LRRC4C: variants seen among roughly 807,000 people sequenced by gnomAD.
LRRC4C encodes leucine rich repeat containing 4C.
Under a neutral mutation model 33.6 loss-of-function variants are expected in LRRC4C, and 5 were observed. The observed-to-expected ratio is 0.15, with a 90% CI of 0.08 to 0.31. LRRC4C has a LOEUF of 0.31. Ranked by LOEUF, LRRC4C falls within the 10% of genes least tolerant of loss-of-function variation. The pLI is 1.00. For missense variants in LRRC4C, 560 were observed against 796.7 expected (o/e 0.70, Z 3.58); for synonymous variants, 329 against 302.0 (o/e 1.09, Z -0.93).
chr11:40,704,501 G>A (rs1254790273), intron 2 of LRRC4C, among the ~76,000 whole-genome samples: 1 of 152,090 alleles, frequency 6.6e-6, no homozygotes, highest in Non-Finnish European at 1.5e-5. Flanking sequence ...AACCATGGTA[G>A]GTTTTAGTCC....
At chr11:41,378,426 T>C (rs1953021506) in intron 1 of LRRC4C, among the ~76,000 whole-genome samples, 1 of 152,198 alleles carries the variant, frequency 6.6e-6, no homozygotes, top group South Asian at 2.1e-4. Flanking sequence ...AATTTTGTGA[T>C]TTCTTAAGGG....
chr11:40,931,758 T>C (rs867606680), intron 2 of LRRC4C, among the ~76,000 whole-genome samples: 3 of 152,128 alleles, frequency 2.0e-5, no homozygotes, highest in African/African-American at 4.8e-5. Flanking sequence ...AATGTCATGA[T>C]TCGTTTGGTA....
At chr11:40,345,178 C>T (rs1326002476) in intron 3 of LRRC4C, among the ~76,000 whole-genome samples, 1 of 152,124 alleles carries the variant, frequency 6.6e-6, no homozygotes. Flanking sequence ...TAACATTCTT[C>T]ACAGAATTCA....
At chr11:40,891,001 A>G (rs4485095) in intron 2 of LRRC4C, among the ~76,000 whole-genome samples, 147,145 of 152,194 alleles carry the variant, frequency 0.97, 71,332 homozygotes, top group East Asian at 1. Context: ...TCAGCACTCT[A>G]GGAGGCCGAA....
At chr11:40,352,665 CAAT>C (rs1467985730) in intron 3 of LRRC4C, among the ~76,000 whole-genome samples, 1 of 152,018 alleles carries the variant, frequency 6.6e-6, no homozygotes, top group Non-Finnish European at 1.5e-5. Context: ...AACTTACTTT[CAAT>C]AATAAGTTTT....
At chr11:41,198,574 C>G (rs887764412) in intron 1 of LRRC4C, among the ~76,000 whole-genome samples, 1 of 151,868 alleles carries the variant, frequency 6.6e-6, no homozygotes, top group Non-Finnish European at 1.5e-5. Flanking sequence ...CACCCAGGTC[C>G]TCTGTCCAAA....
intron 4 of LRRC4C, among the ~76,000 whole-genome samples, chr11:40,306,496 A>G (rs560319804): frequency 1.7e-4 from 26 of 152,312 alleles, no homozygotes; most frequent in Admixed American, 1.3e-3. Context: ...TCATTCTCAC[A>G]TGGACAAAGT....
At chr11:41,207,320 C>T (rs1181524081) in intron 1 of LRRC4C, among the ~76,000 whole-genome samples, 1 of 151,928 alleles carries the variant, frequency 6.6e-6, no homozygotes, top group African/African-American at 2.4e-5. Flanking sequence ...CTCCCTCTCC[C>T]CTTAGTCATT....
chr11:41,100,057 A>G (rs1941072507), intron 1 of LRRC4C, among the ~76,000 whole-genome samples: 1 of 152,170 alleles, frequency 6.6e-6, no homozygotes, highest in Non-Finnish European at 1.5e-5. Context: ...AACCATAGCC[A>G]AGCCAAGAGC....
chr11:40,864,817 C>T (rs1462372047), intron 2 of LRRC4C, among the ~76,000 whole-genome samples: 1 of 152,148 alleles, frequency 6.6e-6, no homozygotes, highest in Non-Finnish European at 1.5e-5. Context: ...GTCAGCTTTT[C>T]AACAAATTTT....
At chr11:40,461,390 A>G (rs1952389026) in intron 3 of LRRC4C, among the ~76,000 whole-genome samples, 1 of 152,116 alleles carries the variant, frequency 6.6e-6, no homozygotes, top group South Asian at 2.1e-4. Context: ...CTGTGTGGCC[A>G]TAGGCAAGAG....
At chr11:40,407,886 A>G (rs1950016797) in intron 3 of LRRC4C, among the ~76,000 whole-genome samples, 1 of 152,092 alleles carries the variant, frequency 6.6e-6, no homozygotes, top group South Asian at 2.1e-4. Context: ...ATTGGCAAAG[A>G]GAATGAAAAT....
rs554612462 is a variant in LRRC4C, at chr11:41,032,184, C to T, written c.-495-98461G>A. The stretch of plus-strand genomic sequence containing the variant: ...GTTCATTCCAGACTCAATTCCAATC[C>T]TTCTGCCCCAGATTAATCTCAGACC... On this transcript the variant is annotated intron_variant, in intron 1 of 6. Transcript: ENST00000528697. 3.3e-5 allele frequency among the ~76,000 whole-genome samples: 5 copies of T among 152,142 alleles called. No individual in the cohort carries two copies. In the South Asian group the frequency reaches 1.0e-3, roughly 32 times the overall value.
At chr11:41,102,602 G>C (rs1160088585) in intron 1 of LRRC4C, among the ~76,000 whole-genome samples, 3 of 151,918 alleles carry the variant, frequency 2.0e-5, no homozygotes, top group Non-Finnish European at 4.4e-5. Context: ...TTTGAGAAGT[G>C]GTTGCTTTGG....
At chr11:40,298,212 A>G (rs1304537047) in intron 4 of LRRC4C, among the ~76,000 whole-genome samples, 1 of 152,228 alleles carries the variant, frequency 6.6e-6, no homozygotes, top group Non-Finnish European at 1.5e-5. Flanking sequence ...AGATGATTTC[A>G]GCAATGAAGT....
intron 2 of LRRC4C, among the ~76,000 whole-genome samples, chr11:40,784,168 T>A (rs1424412356): frequency 6.6e-6 from 1 of 152,168 alleles, no homozygotes; most frequent in Non-Finnish European, 1.5e-5. Flanking sequence ...CTTCACTCCT[T>A]CAAAATGTTT....
chr11:41,021,184 A>T (rs1855943116), intron 1 of LRRC4C, among the ~76,000 whole-genome samples: 1 of 119,280 alleles, frequency 8.4e-6, no homozygotes, highest in African/African-American at 3.7e-5. Flanking sequence ...AGAGAGAGAG[A>T]GAGAGAGAGA....
At chr11:40,715,641 T>C (rs770806863) in intron 2 of LRRC4C, among the ~76,000 whole-genome samples, 7 of 152,210 alleles carry the variant, frequency 4.6e-5, no homozygotes, top group Non-Finnish European at 8.8e-5. Context: ...ACATGCCACA[T>C]ATCCTTCAGG....
At chr11:40,406,304 T>TATAGAACACAGAA (rs1439782976) in intron 3 of LRRC4C, among the ~76,000 whole-genome samples, 1 of 152,172 alleles carries the variant, frequency 6.6e-6, no homozygotes, top group African/African-American at 2.4e-5. Flanking sequence ...TTCTGTGCTG[T>TATAGAACACAGAA]CCTCCAGGTT....
Sources: gnomAD v4.1 joint callset for allele counts (sites outside exome capture counted in the v4.1 genomes callset) on GRCh38, gnomAD v4.1.1 for gene constraint, MANE v1.5 for transcripts, NCBI Gene and HGNC (gene_info 2026-07-23, HGNC 2026-07-21) for gene names.